The following POSTN variants were observed in gnomAD, a reference collection of about 807,000 sequenced individuals.
POSTN encodes osteoblast specific factor 2 (fasciclin I-like).
POSTN carries 71 observed loss-of-function variants against 104.5 expected under a neutral mutation model. That is an observed-to-expected ratio of 0.68 (90% CI 0.56 to 0.83). POSTN has a LOEUF of 0.83. Among genes scored for constraint, POSTN ranks in the 40% least tolerant of loss-of-function variants. The pLI, the probability that POSTN is intolerant of heterozygous loss-of-function variation, is 0.00. For missense variants in POSTN, 949 were observed against 1,006.8 expected (o/e 0.94, Z 0.78); for synonymous variants, 355 against 340.7 (o/e 1.04, Z -0.46).
At chr13:37,596,358 A>G (rs1430518815) in intron 2 of POSTN, among the ~76,000 whole-genome samples, 1 of 152,124 alleles carries the variant, frequency 6.6e-6, no homozygotes, top group Non-Finnish European at 1.5e-5. Context: ...CCTATTTATG[A>G]CTGGTCTCCC....
chr13:37,566,858 T>G (rs1450064400), intron 21 of POSTN, among the ~76,000 whole-genome samples: 1 of 152,024 alleles, frequency 6.6e-6, no homozygotes, highest in African/African-American at 2.4e-5. Context: ...AATCACAACA[T>G]CAGTACTCAA....
chr13:37,572,350 T>A (rs1036791435), intron 17 of POSTN, among the ~76,000 whole-genome samples: 3 of 151,254 alleles, frequency 2.0e-5, no homozygotes, highest in African/African-American at 7.3e-5. Flanking sequence ...CCTAGAACAA[T>A]CCAAAATAAT....
intron 4 of POSTN, among the ~76,000 whole-genome samples, chr13:37,588,281 A>T (rs1442312730): frequency 6.6e-6 from 1 of 152,146 alleles, no homozygotes; most frequent in Non-Finnish European, 1.5e-5. Flanking sequence ...AGAAAGGGAG[A>T]TATGAAATTA....
intron 16 of POSTN, among the ~76,000 whole-genome samples, chr13:37,576,587 A>T (rs1023811489): frequency 6.8e-6 from 1 of 148,096 alleles, no homozygotes; most frequent in African/African-American, 2.4e-5. Context: ...AAAGAAATGT[A>T]GTGGGAATGT....
rs980924563 is a variant in POSTN, at chr13:37,571,455, G to T, written c.2093C>A (p.Pro698His). 6.3e-7 allele frequency: 1 copy of T among 1,595,496 alleles called. No individual in the cohort carries two copies. Among genetic ancestry groups the T allele is most frequent in the Non-Finnish European group, 8.6e-7 (1 of 1,164,256 alleles). Residue 698 changes from proline (P) to histidine (H), a missense_variant, in exon 18 of 23, where the codon CCC (proline) becomes CAC (histidine). Coordinates refer to ENST00000379747, the MANE Select transcript of POSTN (RefSeq NM_006475.3). ...TTCAATTTTGACTTTTGTTAGTGTG[G>T]GTCCTGGGACATTATTTTAGGAGAC... is the stretch of plus-strand genomic sequence containing the variant. ...SLQPIIKTEG[P>H]TLTKVKIEGE...
intron 21 of POSTN, among the ~76,000 whole-genome samples, chr13:37,567,522 C>T (rs1238633448): frequency 2.0e-5 from 3 of 152,094 alleles, no homozygotes; most frequent in Non-Finnish European, 4.4e-5. Context: ...CCAATTAATG[C>T]TGGTACTAGT....
Position 37,563,349 on chromosome 13 carries a change from TC to T in POSTN, c.2494del (p.Glu832LysfsTer23), listed in dbSNP as rs1330171188. On this transcript the variant is annotated frameshift_variant, in exon 23 of 23. Coordinates refer to ENST00000379747, the MANE Select transcript of POSTN (RefSeq NM_006475.3). LOFTEE classifies it high-confidence loss of function. The part of the protein sequence containing the change: ...KVQGSRRRLR[E>X]GRSQ ...TTTGGATTTTCACTGAGAACGACCT[TC>T]CCTTAATCGTCTTCTAGATCCTAAT... 8 of 1,589,116 alleles carry T rather than the reference TC, an allele frequency of 5.0e-6. No homozygotes were observed. The highest frequency in any genetic ancestry group is 1.3e-5 in the African/African-American group (1 of 74,406).
intron 22 of POSTN, 76 bp from the exon 23 acceptor site, chr13:37,563,446 G>T: frequency 1.1e-6 from 1 of 897,324 alleles, no homozygotes; most frequent in Non-Finnish European, 1.6e-6. Flanking sequence ...ATTATTCTCT[G>T]TATATCTATC....
chr13:37,587,896 C>A lies in POSTN; in HGVS notation c.532G>T (p.Asp178Tyr), dbSNP rs1052662737. The change falls in exon 5 of 23, where the codon GAC (aspartate) becomes TAC (tyrosine). Residue 178 changes from aspartate to tyrosine, a missense_variant. Physicochemically the swap from Asp to Tyr is radical, Grantham distance 160 (BLOSUM62 -3). Coordinates refer to ENST00000379747, the MANE Select transcript of POSTN (RefSeq NM_006475.3). ...HMINKRMLTK[D>Y]LKNGMIIPSM... ...GGAATAATCATGCCATTTTTTAAGT[C>A]CTTGGTCAACATTCTCTTATTAATC... 5.0e-6 allele frequency: 8 copies of A among 1,600,334 alleles called. No homozygotes were observed. Among genetic ancestry groups the A allele is most frequent in the Non-Finnish European group, 6.8e-6 (8 of 1,168,302 alleles).
At chr13:37,580,842 G>A (rs1950564436) in intron 10 of POSTN, 145 bp from the exon 11 acceptor site, 3 of 877,262 alleles carry the variant, frequency 3.4e-6, no homozygotes, top group Non-Finnish European at 5.2e-6. Flanking sequence ...TCTTTCCTCT[G>A]TTTTCAATGG....
chr13:37,583,948 A>G lies in POSTN; in HGVS notation c.1243+21T>C, dbSNP rs1304111904. 4 of 1,602,162 alleles carry G rather than the reference A, an allele frequency of 2.5e-6. No homozygotes were observed. In the East Asian group the frequency reaches 9.0e-5, roughly 36 times the overall value. ...AAAGGTGTGTAGGCAGAGAGCAGGAACAACAGTGTCCAGCACATACCAGAA... is the reference window on the plus strand; with the variant it reads ...AAAGGTGTGTAGGCAGAGAGCAGGAGCAACAGTGTCCAGCACATACCAGAA... On this transcript the variant is annotated intron_variant, in intron 9 of 22. Transcript: ENST00000379747.
At chr13:37,598,187 A>T (rs539027974) in intron 1 of POSTN, among the ~76,000 whole-genome samples, 30 of 152,262 alleles carry the variant, frequency 2.0e-4, no homozygotes, top group African/African-American at 5.8e-4. Context: ...ATGTAATTTA[A>T]ATAAAATTTT....
At chr13:37,564,812 T>C in intron 21 of POSTN, 1 of 318,716 alleles carries the variant, frequency 3.1e-6, no homozygotes, top group Non-Finnish European at 5.7e-6. Flanking sequence ...ATTATGGATT[T>C]TGGAACCCCA....
At chr13:37,577,292 GT>G (rs1369559957) in intron 16 of POSTN, among the ~76,000 whole-genome samples, 1 of 152,108 alleles carries the variant, frequency 6.6e-6, no homozygotes, top group Non-Finnish European at 1.5e-5. Flanking sequence ...GGATGGGAGA[GT>G]TTTTGAACTG....
intron 9 of POSTN, 104 bp from the exon 10 acceptor site, chr13:37,582,618 G>A: frequency 9.1e-7 from 1 of 1,093,762 alleles, no homozygotes; most frequent in Non-Finnish European, 1.3e-6. Context: ...TGACATTATT[G>A]ATATCATGGA....
intron 6 of POSTN, 25 bp downstream of exon 6, chr13:37,586,757 C>T: frequency 6.3e-7 from 1 of 1,595,752 alleles, no homozygotes; most frequent in East Asian, 2.3e-5. Context: ...TTCAATGACT[C>T]AAGACAATCT....
intron 8 of POSTN, 46 bp downstream of exon 8, chr13:37,584,670 T>C: frequency 2.1e-6 from 3 of 1,463,090 alleles, no homozygotes; most frequent in Non-Finnish European, 2.8e-6. Flanking sequence ...ATTAGTAAAT[T>C]ACAGTAAGTA....
rs755755398 is a variant in POSTN, at chr13:37,598,648, T to A, written c.79A>T (p.Lys27Ter). The A allele has an allele frequency of 5.0e-6, 8 of 1,613,544 alleles. No homozygotes were observed. Residue 27 changes from lysine (K) to a stop codon, truncating the protein, a stop_gained, in exon 1 of 23, where the codon AAG becomes TAG. Coordinates refer to ENST00000379747, the MANE Select transcript of POSTN (RefSeq NM_006475.3). LOFTEE classifies it high-confidence loss of function. ...NPINANNHYD[K>*]ILAHSRIRGR... ...CTGATACGACTATGAGCCAAGATCT[T>A]GTCATAATGATTGTTGGCGTTTATA...
At chr13:37,564,410 A>G in intron 22 of POSTN, 109 bp downstream of exon 22, 7 of 658,846 alleles carry the variant, frequency 1.1e-5, no homozygotes, top group Non-Finnish European at 1.8e-5. Context: ...TTTCTCTCTG[A>G]TCGATAACAA....
Sources: allele counts gnomAD v4.1 joint callset (sites outside exome capture counted in the v4.1 genomes callset), GRCh38; gene constraint gnomAD v4.1.1; transcripts MANE v1.5; gene names NCBI Gene and HGNC (gene_info 2026-07-23, HGNC 2026-07-21).